FGD5: variants seen among roughly 807,000 people sequenced by gnomAD.
The protein encoded by FGD5 is FYVE, RhoGEF and PH domain containing 5.
Under a neutral mutation model 133.4 loss-of-function variants are expected in FGD5, and 28 were observed. The ratio of observed to expected loss-of-function variants is 0.21; its 90% confidence interval spans 0.16 to 0.29. The LOEUF (loss-of-function observed/expected upper bound fraction) is 0.29. Ranked by LOEUF, FGD5 falls within the 10% of genes least tolerant of loss-of-function variation. The pLI is 1.00. For missense variants in FGD5, 1,858 were observed against 1,895.2 expected, an observed-to-expected ratio of 0.98 and a Z score of 0.36; for synonymous variants, 810 against 776.5, an observed-to-expected ratio of 1.04 and a Z score of -0.72.
intron 4 of FGD5, among the ~76,000 whole-genome samples, chr3:14,887,811 T>C (rs565105319): frequency 1.3e-5 from 2 of 152,100 alleles, no homozygotes; most frequent in African/African-American, 2.4e-5. Context: ...GGGGGTGCAG[T>C]GAAGAAGGCT....
chr3:14,918,648 G>A lies in FGD5; in HGVS notation c.3490-106G>A, dbSNP rs371381117. On this transcript the variant is annotated intron_variant, in intron 12 of 19. Coordinates refer to ENST00000285046, the MANE Select transcript of FGD5 (RefSeq NM_152536.4). ...AAGGTATGCCCTGAGGCTAGAGAAC[G>A]GCAGTAGGTGGACATGGTCCCTCTG... 2.2e-5 allele frequency: 24 copies of A among 1,112,382 alleles called. 1 individual carries two copies. The highest frequency in any genetic ancestry group is 4.8e-5 in the East Asian group (2 of 41,304). 68.9% of individuals were successfully genotyped at this position (1,112,382 alleles called of 1,614,324 possible). A position where few individuals can be genotyped will look rare whatever the true frequency, so the allele number is the denominator to read the frequency against.
intron 1 of FGD5, among the ~76,000 whole-genome samples, chr3:14,857,155 CT>C (rs36103505): frequency 0.27 from 39,913 of 146,494 alleles, 5,825 homozygotes; most frequent in East Asian, 0.69. Context: ...AAATGTCATC[CT>C]TTTTTTTTTT....
Position 14,821,135 on chromosome 3 carries a change from G to C in FGD5, c.2064G>C (p.Gly688=). The change falls in exon 1 of 20, where the codon GGG becomes GGC. Residue 688 remains glycine (G), a synonymous_variant. Transcript: ENST00000285046. ...CCTCTTCAGAGTCCAGCTACCACGG[G>C]CCTTCCAGGATTCTGGAAGTTGACC... is the stretch of plus-strand genomic sequence containing the variant. ...SRSSSESSYH[G]PSRILEVDRR... is the part of the protein sequence containing the mutation. 2 of 1,613,922 alleles carry C rather than the reference G, an allele frequency of 1.2e-6. No individual in the cohort carries two copies. Among genetic ancestry groups the C allele is most frequent in the Non-Finnish European group, 1.7e-6 (2 of 1,179,890 alleles).
intron 4 of FGD5, among the ~76,000 whole-genome samples, chr3:14,886,747 A>G (rs1018488689): frequency 6.6e-6 from 1 of 152,220 alleles, no homozygotes; most frequent in African/African-American, 2.4e-5. Context: ...AATACTTTCT[A>G]TTAATAATCC....
At chr3:14,932,495 A>G in intron 18 of FGD5, 82 bp from the exon 19 acceptor site, 1 of 1,479,278 alleles carries the variant, frequency 6.8e-7, no homozygotes, top group Non-Finnish European at 9.1e-7. Context: ...GGCACTCTTC[A>G]CGCATCTCAG....
In FGD5 at chr3:14,819,680, C is replaced by T. The variant is rs771493474; in HGVS notation, c.609C>T (p.Asp203=). The T allele has an allele frequency of 9.1e-6, 14 of 1,542,084 alleles. No individual in the cohort carries two copies. The highest frequency in any genetic ancestry group is 7.3e-5 in the East Asian group (3 of 40,818). ...DLLLPHIHGE[D]QEPPDTPGEA... ...TCCTGCCTCACATCCATGGAGAGGA[C>T]CAGGAGCCCCCCGACACCCCCGGGG... The change falls in exon 1 of 20, where the codon GAC becomes GAT. Residue 203 remains aspartate, a synonymous_variant. Transcript: ENST00000285046. The surrounding 1 kb of genome is among the most constrained non-coding windows in gnomAD (Gnocchi z 4.1).
At chr3:14,921,892 T>G (rs966756589) in intron 13 of FGD5, 26 bp from the exon 14 acceptor site, 13 of 1,553,076 alleles carry the variant, frequency 8.4e-6, no homozygotes, top group Middle Eastern at 1.7e-4. Context: ...GCTCCTGCCT[T>G]TGCTCACTCC....
intron 1 of FGD5, among the ~76,000 whole-genome samples, chr3:14,845,473 G>A (rs2037033195): frequency 2.0e-5 from 3 of 152,210 alleles, no homozygotes; most frequent in Admixed American, 2.0e-4. Context: ...CTGCAAGGCT[G>A]TTGCATTGTT....
chr3:14,826,503 C>T (rs1011856049), intron 1 of FGD5, among the ~76,000 whole-genome samples: 3 of 152,196 alleles, frequency 2.0e-5, no homozygotes, highest in Non-Finnish European at 4.4e-5. Context: ...TCTATGTGAC[C>T]TAGAACAAGT....
At chr3:14,893,013 A>G (rs1392574798) in intron 4 of FGD5, among the ~76,000 whole-genome samples, 3 of 152,184 alleles carry the variant, frequency 2.0e-5, no homozygotes, top group Admixed American at 1.3e-4. Flanking sequence ...GATTTTCCCA[A>G]TATGCATTGC....
chr3:14,887,906 C>T (rs1410611907), intron 4 of FGD5, among the ~76,000 whole-genome samples: 2 of 152,000 alleles, frequency 1.3e-5, no homozygotes, highest in Non-Finnish European at 2.9e-5. Flanking sequence ...TGGCTCACAC[C>T]TGAAGTCCCA....
intron 13 of FGD5, among the ~76,000 whole-genome samples, chr3:14,919,731 C>T (rs150381823): frequency 3.5e-4 from 54 of 152,328 alleles, no homozygotes; most frequent in African/African-American, 1.1e-3. Context: ...CTGACTGATT[C>T]GGTGTCTGGT....
At chr3:14,904,465 C>A (rs2038300453) in intron 9 of FGD5, among the ~76,000 whole-genome samples, 1 of 151,828 alleles carries the variant, frequency 6.6e-6, no homozygotes, top group Admixed American at 6.6e-5. Context: ...CAGTTGGTTT[C>A]TGTGCCCTTT....
chr3:14,929,359 C>T (rs1055152354), intron 18 of FGD5, among the ~76,000 whole-genome samples: 1 of 152,108 alleles, frequency 6.6e-6, no homozygotes, highest in Non-Finnish European at 1.5e-5. Flanking sequence ...TGGGTCATTA[C>T]CTAGGATTGG....
upstream of FGD5, among the ~76,000 whole-genome samples, chr3:14,814,859 C>T (rs546377768): frequency 1.3e-5 from 2 of 152,288 alleles, no homozygotes; most frequent in African/African-American, 4.8e-5. Context: ...TTTCTAGTTG[C>T]GCAGACTCAA....
At chr3:14,829,367 T>A (rs1043866269) in intron 1 of FGD5, among the ~76,000 whole-genome samples, 1 of 151,980 alleles carries the variant, frequency 6.6e-6, no homozygotes, top group African/African-American at 2.4e-5. Flanking sequence ...GATACTTTGC[T>A]GGCAGGTGGA....
upstream of FGD5, among the ~76,000 whole-genome samples, chr3:14,814,048 G>C (rs2036334792): frequency 6.6e-6 from 1 of 152,128 alleles, no homozygotes; most frequent in Non-Finnish European, 1.5e-5. Flanking sequence ...TGGAGTTTGA[G>C]TCATCCTCGG....
At chr3:14,854,389 TTTTATTTATTTATTTATTTATTTA>T (rs71268415) in intron 1 of FGD5, among the ~76,000 whole-genome samples, 5 of 137,560 alleles carry the variant, frequency 3.6e-5, no homozygotes, top group African/African-American at 1.1e-4. Flanking sequence ...TTTCTTTTCT[TTTTATTTATTTATTTATTTATTTA>T]TTTATTTATT....
At chr3:14,834,878 A>G (rs2036785370) in intron 1 of FGD5, among the ~76,000 whole-genome samples, 2 of 152,282 alleles carry the variant, frequency 1.3e-5, no homozygotes, top group South Asian at 4.2e-4. Flanking sequence ...AACAATGTAA[A>G]TGGTGAAAGA....
Sources: gnomAD v4.1 joint callset for allele counts (sites outside exome capture counted in the v4.1 genomes callset) on GRCh38, gnomAD v4.1.1 for gene constraint, Gnocchi (gnomAD v3.1) non-coding constraint, MANE v1.5 for transcripts, NCBI Gene and HGNC (gene_info 2026-07-23, HGNC 2026-07-21) for gene names.